The following TBC1D14 variants were observed in gnomAD, a reference collection of about 807,000 sequenced individuals.
TBC1D14 encodes the protein TBC1 domain family member 14.
Under a neutral mutation model 79.0 loss-of-function variants are expected in TBC1D14, and 26 were observed. The ratio of observed to expected loss-of-function variants is 0.33; its 90% CI spans 0.24 to 0.46. TBC1D14 has a LOEUF of 0.46. TBC1D14 is among the 20% of genes least tolerant of loss of function. TBC1D14 has a pLI of 1.00. For missense variants in TBC1D14, 769 were observed against 887.6 expected, an observed-to-expected ratio of 0.87 and a Z score of 1.70; for synonymous variants, 394 against 349.9, an observed-to-expected ratio of 1.13 and a Z score of -1.40.
chr4:6,948,127 T>G (rs2108994738), intron 2 of TBC1D14, among the ~76,000 whole-genome samples: 1 of 152,240 alleles, frequency 6.6e-6, no homozygotes, highest in East Asian at 1.9e-4. Flanking sequence ...TGTATTGAAA[T>G]TTTATGTAAA....
intron 2 of TBC1D14, among the ~76,000 whole-genome samples, chr4:6,953,581 G>A (rs13133382): frequency 2.3e-5 from 3 of 127,684 alleles, no homozygotes; most frequent in Non-Finnish European, 4.7e-5. Context: ...GCAGTGAGCC[G>A]AGATTGCGCC....
chr4:6,926,015 A>C (rs1265910341), intron 2 of TBC1D14, among the ~76,000 whole-genome samples: 1 of 152,042 alleles, frequency 6.6e-6, no homozygotes, highest in Non-Finnish European at 1.5e-5. Context: ...AATTCAACCG[A>C]CCTGTGCCAT....
chr4:7,020,068 A>C (rs1409237574), intron 12 of TBC1D14, among the ~76,000 whole-genome samples: 1 of 149,168 alleles, frequency 6.7e-6, no homozygotes, highest in Non-Finnish European at 1.5e-5. Context: ...TGGGTATGTA[A>C]ACCCTGCTGG....
intron 2 of TBC1D14, among the ~76,000 whole-genome samples, chr4:6,933,785 A>G (rs1422993816): frequency 6.6e-6 from 1 of 152,158 alleles, no homozygotes; most frequent in Non-Finnish European, 1.5e-5. Context: ...CCTAAACAGA[A>G]TGCCCTGAGG....
chr4:6,922,133 G>A lies in TBC1D14; in HGVS notation c.-17-1240G>A, dbSNP rs755006245. ...GGTGGTGTAATCATGGCTCACCACA[G>A]CCTTAAACCTCCCAGGCTCAAGTGA... On this transcript the variant is annotated intron_variant, in intron 1 of 13. Coordinates refer to ENST00000409757, the MANE Select transcript of TBC1D14 (RefSeq NM_020773.3). 3.9e-5 allele frequency among the ~76,000 whole-genome samples: 6 copies of A among 152,124 alleles called. No homozygotes were observed. The East Asian group carries it at 1.2e-3, about 29-fold the overall frequency.
At chr4:6,921,449 C>A (rs1041820046) in intron 1 of TBC1D14, among the ~76,000 whole-genome samples, 1 of 152,164 alleles carries the variant, frequency 6.6e-6, no homozygotes, top group Non-Finnish European at 1.5e-5. Context: ...CGAAGCGATC[C>A]TCCTGCCTCT....
intron 11 of TBC1D14, among the ~76,000 whole-genome samples, chr4:7,011,127 C>T (rs143341221): frequency 0.012 from 1,830 of 152,296 alleles, 16 homozygotes; most frequent in Middle Eastern, 0.037. Flanking sequence ...GCAGTGCCCA[C>T]GTTTGGGCCT....
At chr4:6,920,673 C>A (rs74875157) in intron 1 of TBC1D14, among the ~76,000 whole-genome samples, 8 of 152,202 alleles carry the variant, frequency 5.3e-5, no homozygotes, top group African/African-American at 1.7e-4. Context: ...TCTTGTGGTA[C>A]TTGATTTAAT....
At chr4:6,919,547 A>G (rs1309132987) in intron 1 of TBC1D14, among the ~76,000 whole-genome samples, 4 of 152,206 alleles carry the variant, frequency 2.6e-5, no homozygotes, top group Admixed American at 2.0e-4. Flanking sequence ...ATCAATTACT[A>G]TAACATTGTG....
At chr4:6,989,545 A>AGT (rs1718268966) in intron 3 of TBC1D14, among the ~76,000 whole-genome samples, 1 of 151,534 alleles carries the variant, frequency 6.6e-6, no homozygotes, top group African/African-American at 2.4e-5. Context: ...TTCCTCCCAC[A>AGT]GTGTGTGGCT....
At chr4:6,965,922 A>G (rs1049986257) in intron 2 of TBC1D14, among the ~76,000 whole-genome samples, 4 of 152,230 alleles carry the variant, frequency 2.6e-5, no homozygotes, top group Non-Finnish European at 5.9e-5. Flanking sequence ...TGTAGGAGAC[A>G]CTTTCAAACT....
chr4:6,928,985 T>A (rs1289542912), intron 2 of TBC1D14, among the ~76,000 whole-genome samples: 1 of 152,258 alleles, frequency 6.6e-6, no homozygotes, highest in Admixed American at 6.5e-5. Context: ...TGACCTGAGA[T>A]GGAACATTGT....
At chr4:6,960,108 G>T (rs1715049950) in intron 2 of TBC1D14, among the ~76,000 whole-genome samples, 1 of 142,506 alleles carries the variant, frequency 7.0e-6, no homozygotes, top group African/African-American at 2.6e-5. Flanking sequence ...TTGACACAGA[G>T]TCTGGCTCTG....
chr4:6,975,954 G>C (rs918549113), intron 3 of TBC1D14, among the ~76,000 whole-genome samples: 1 of 152,152 alleles, frequency 6.6e-6, no homozygotes, highest in Non-Finnish European at 1.5e-5. Context: ...TTAACCAGGT[G>C]TGGTGGCAGG....
intron 2 of TBC1D14, among the ~76,000 whole-genome samples, chr4:6,946,616 C>T (rs539678595): frequency 2.6e-5 from 4 of 152,248 alleles, no homozygotes; most frequent in Non-Finnish European, 5.9e-5. Context: ...CCACCACATC[C>T]GGCCCCTTAG....
intron 1 of TBC1D14, among the ~76,000 whole-genome samples, chr4:6,916,631 G>C (rs6812075): frequency 2.0e-5 from 3 of 152,170 alleles, no homozygotes; most frequent in African/African-American, 7.2e-5. Flanking sequence ...CTCTGGTGGC[G>C]TGACAGTTGA....
At chr4:6,944,752 A>T (rs552687053) in intron 2 of TBC1D14, among the ~76,000 whole-genome samples, 5 of 152,152 alleles carry the variant, frequency 3.3e-5, no homozygotes, top group African/African-American at 1.2e-4. Context: ...TGTCCTCCTC[A>T]TCCCTGCACT....
At chr4:7,028,013 C>G (rs958658568) in intron 13 of TBC1D14, among the ~76,000 whole-genome samples, 6 of 145,372 alleles carry the variant, frequency 4.1e-5, no homozygotes, top group African/African-American at 1.5e-4. Flanking sequence ...TCACCCCACA[C>G]ACACCCACAC....
chr4:7,021,546 G>A (rs1390144479), intron 12 of TBC1D14, among the ~76,000 whole-genome samples: 3 of 152,070 alleles, frequency 2.0e-5, no homozygotes, highest in Admixed American at 1.3e-4. Context: ...GCAGTGAGCC[G>A]TGATTGTGCA....
Sources: gnomAD v4.1 joint callset for allele counts (sites outside exome capture counted in the v4.1 genomes callset) on GRCh38, gnomAD v4.1.1 for gene constraint, MANE v1.5 for transcripts, NCBI Gene and HGNC (gene_info 2026-07-23, HGNC 2026-07-21) for gene names.